The following GRM8 variants were observed in gnomAD, a reference collection of about 807,000 sequenced individuals.
The protein encoded by GRM8 is glutamate metabotropic receptor 8, also known as metabotropic glutamate receptor 8.
In GRM8, 47 loss-of-function variants were observed where a neutral mutation model predicts 87.2. The observed-to-expected ratio is 0.54, with a 90% confidence interval of 0.43 to 0.69. GRM8 has a LOEUF of 0.69. GRM8 is among the 30% of genes least tolerant of loss of function. The probability of loss-of-function intolerance (pLI) is 0.00; values close to 1 mark genes in which losing one functional copy is unlikely to be tolerated. For synonymous variants in GRM8, 396 were observed against 404.5 expected, an observed-to-expected ratio of 0.98 and a Z score of 0.25; for missense variants, 1,019 against 1,139.2, an observed-to-expected ratio of 0.89 and a Z score of 1.52.
chr7:126,789,839 G>A (rs575089697), intron 6 of GRM8, among the ~76,000 whole-genome samples: 48 of 152,124 alleles, frequency 3.2e-4, no homozygotes, highest in African/African-American at 8.7e-4. Context: ...AAGTTATGTC[G>A]TATATTCTCA....
intron 7 of GRM8, among the ~76,000 whole-genome samples, chr7:126,662,389 A>C (rs891105744): frequency 2.0e-5 from 3 of 152,222 alleles, no homozygotes; most frequent in African/African-American, 4.8e-5. Context: ...AATAGAAGCC[A>C]GGAAGGGAGG....
chr7:126,940,692 T>C (rs939682361), intron 3 of GRM8, among the ~76,000 whole-genome samples: 3 of 152,222 alleles, frequency 2.0e-5, no homozygotes, highest in Non-Finnish European at 4.4e-5. Context: ...CACAGACTTA[T>C]TCCAGAACTC....
chr7:126,617,673 G>A (rs1024801231), intron 7 of GRM8, among the ~76,000 whole-genome samples: 24 of 152,168 alleles, frequency 1.6e-4, no homozygotes, highest in Non-Finnish European at 5.9e-5. Context: ...AGCAACTTCA[G>A]CAAAGTCTCA....
intron 2 of GRM8, among the ~76,000 whole-genome samples, chr7:127,183,691 A>C (rs1794595305): frequency 6.6e-6 from 1 of 151,786 alleles, no homozygotes; most frequent in South Asian, 2.1e-4. Flanking sequence ...TCAGAATATA[A>C]ATCAATAAAA....
chr7:127,161,214 C>A lies in GRM8; in HGVS notation c.511-54502G>T, dbSNP rs532727761. Among the ~76,000 whole-genome samples, 3 of 152,248 alleles carry A rather than the reference C, an allele frequency of 2.0e-5. No individual in the cohort carries two copies. The East Asian group carries it at 5.8e-4, about 29-fold the overall frequency. Reference sequence around the variant, plus strand: ...ACAAACTACATAATGTTCCTGTCTTCACAAGATAAATCCCACCTGTGTGGC... The same window carrying A: ...ACAAACTACATAATGTTCCTGTCTTAACAAGATAAATCCCACCTGTGTGGC... On this transcript the variant is annotated intron_variant, in intron 2 of 10. Transcript: ENST00000339582.
At chr7:126,456,695 A>T (rs1042622637) in intron 9 of GRM8, among the ~76,000 whole-genome samples, 1 of 151,496 alleles carries the variant, frequency 6.6e-6, no homozygotes, top group Non-Finnish European at 1.5e-5. Context: ...ACAAATCCAT[A>T]AAAACCTGAA....
chr7:126,839,465 A>T (rs1001398587), intron 6 of GRM8, among the ~76,000 whole-genome samples: 1 of 152,206 alleles, frequency 6.6e-6, no homozygotes, highest in East Asian at 1.9e-4. Flanking sequence ...AGATCCAGAT[A>T]TTAAAATAGT....
At chr7:126,894,311 G>A (rs769717394) in intron 6 of GRM8, among the ~76,000 whole-genome samples, 14 of 152,010 alleles carry the variant, frequency 9.2e-5, no homozygotes, top group Non-Finnish European at 1.9e-4. Flanking sequence ...CAAAAATGCT[G>A]AACTGTCACC....
rs892236261 is a variant in GRM8 at position 126,877,226 on chromosome 7, C to T, written c.1156+25316G>A. Among the ~76,000 whole-genome samples, 4 of 152,052 alleles carry T rather than the reference C, an allele frequency of 2.6e-5. No individual in the cohort carries two copies. The East Asian group carries it at 5.8e-4, about 22-fold the overall frequency. On this transcript the variant is annotated intron_variant, in intron 6 of 10. Transcript: ENST00000339582. Reference sequence around the variant, plus strand: ...TTCATAAACGTATTCTTTTGTTTTGCCTGCTTCTAAATATGTTTGTTCTAT... The same window carrying T: ...TTCATAAACGTATTCTTTTGTTTTGTCTGCTTCTAAATATGTTTGTTCTAT...
At chr7:127,006,948 C>T (rs1814378549) in intron 3 of GRM8, among the ~76,000 whole-genome samples, 1 of 151,994 alleles carries the variant, frequency 6.6e-6, no homozygotes, top group Non-Finnish European at 1.5e-5. Flanking sequence ...CAGTGTCAAT[C>T]CTTTCCTTCT....
At chr7:126,444,785 G>A (rs1801826903) in intron 10 of GRM8, among the ~76,000 whole-genome samples, 1 of 151,978 alleles carries the variant, frequency 6.6e-6, no homozygotes, top group Admixed American at 6.6e-5. Flanking sequence ...TCAAAAGTAT[G>A]GAGAGTAGGG....
intron 2 of GRM8, among the ~76,000 whole-genome samples, chr7:127,108,066 C>A (rs1825984201): frequency 6.6e-6 from 1 of 152,134 alleles, no homozygotes; most frequent in African/African-American, 2.4e-5. Flanking sequence ...ACTGTGTTAA[C>A]TTATTTGTTA....
intron 7 of GRM8, among the ~76,000 whole-genome samples, chr7:126,673,848 T>C (rs1339002380): frequency 6.6e-6 from 1 of 152,158 alleles, no homozygotes. Flanking sequence ...CAACTCAGCG[T>C]CTTTAGTTTT....
intron 3 of GRM8, among the ~76,000 whole-genome samples, chr7:127,056,515 G>T (rs1255620367): frequency 2.6e-5 from 4 of 152,156 alleles, no homozygotes; most frequent in African/African-American, 7.2e-5. Context: ...AATAATTTTT[G>T]AACACTGGGC....
chr7:126,565,502 T>C (rs2150970819), intron 8 of GRM8, among the ~76,000 whole-genome samples: 1 of 152,100 alleles, frequency 6.6e-6, no homozygotes, highest in African/African-American at 2.4e-5. Context: ...GATGAAAGAC[T>C]TATATACTGA....
chr7:126,788,663 C>T (rs546971886), intron 6 of GRM8, among the ~76,000 whole-genome samples: 3 of 151,690 alleles, frequency 2.0e-5, no homozygotes, highest in African/African-American at 7.3e-5. Flanking sequence ...TGGACTCTAT[C>T]ATAACTTTAT....
chr7:127,151,734 C>T (rs1008213771), intron 2 of GRM8, among the ~76,000 whole-genome samples: 4 of 152,070 alleles, frequency 2.6e-5, no homozygotes, highest in East Asian at 1.9e-4. Context: ...AAATCTCTTC[C>T]GTATGATAAA....
chr7:126,778,285 G>A (rs1210593344), intron 6 of GRM8, among the ~76,000 whole-genome samples: 1 of 152,118 alleles, frequency 6.6e-6, no homozygotes, highest in African/African-American at 2.4e-5. Context: ...ATCAACCACT[G>A]AAGAGCTCTA....
chr7:127,008,594 A>G (rs1204434498), intron 3 of GRM8, among the ~76,000 whole-genome samples: 2 of 152,144 alleles, frequency 1.3e-5, no homozygotes, highest in Non-Finnish European at 2.9e-5. Flanking sequence ...ACAAACTATT[A>G]AAAGTAAAAC....
Sources: allele counts gnomAD v4.1 joint callset (sites outside exome capture counted in the v4.1 genomes callset), GRCh38; gene constraint gnomAD v4.1.1; transcripts MANE v1.5; gene names NCBI Gene and HGNC (gene_info 2026-07-23, HGNC 2026-07-21).